NRXN3: variants seen among roughly 807,000 people sequenced by gnomAD.
The protein encoded by NRXN3 is neurexin 3.
A neutral mutation model predicts 137.6 loss-of-function variants in NRXN3; 32 were observed. The observed-to-expected ratio is 0.23, with a 90% CI of 0.18 to 0.31. NRXN3 has a LOEUF of 0.31. Ranked by LOEUF, NRXN3 falls within the 10% of genes least tolerant of loss-of-function variation. The probability of loss-of-function intolerance (pLI) is 1.00; values close to 1 mark genes in which losing one functional copy is unlikely to be tolerated. For synonymous variants in NRXN3, 798 were observed against 784.5 expected, an observed-to-expected ratio of 1.02 and a Z score of -0.29; for missense variants, 1,574 against 2,062.5, an observed-to-expected ratio of 0.76 and a Z score of 4.59.
intron 7 of NRXN3, 69 bp from the exon 8 acceptor site, chr14:78,714,687 A>AG: frequency 6.4e-7 from 1 of 1,554,112 alleles, no homozygotes. Context: ...CTCAGCACTC[A>AG]CCTGTTAGGT....
intron 4 of NRXN3, among the ~76,000 whole-genome samples, chr14:78,543,471 T>A (rs2096610882): frequency 6.6e-6 from 1 of 152,234 alleles, no homozygotes; most frequent in Non-Finnish European, 1.5e-5. Context: ...GCAATAATGG[T>A]GCTCCTTGGG....
At chr14:79,424,814 C>T (rs556134826) in intron 15 of NRXN3, among the ~76,000 whole-genome samples, 5 of 152,178 alleles carry the variant, frequency 3.3e-5, no homozygotes, top group South Asian at 2.1e-4. Flanking sequence ...ATTATGCAGG[C>T]GATACTTTGC....
intron 7 of NRXN3, among the ~76,000 whole-genome samples, chr14:78,712,329 T>A (rs963416767): frequency 3.3e-5 from 5 of 152,206 alleles, no homozygotes; most frequent in African/African-American, 1.2e-4. Context: ...AATATTGTTT[T>A]GAGGATCAAG....
intron 4 of NRXN3, among the ~76,000 whole-genome samples, chr14:78,402,733 C>T (rs1296638781): frequency 6.6e-6 from 1 of 152,176 alleles, no homozygotes; most frequent in East Asian, 1.9e-4. Context: ...TACCTAGTAT[C>T]TCTAACATCA....
At chr14:79,161,808 G>A (rs2060801518) in intron 15 of NRXN3, among the ~76,000 whole-genome samples, 1 of 151,926 alleles carries the variant, frequency 6.6e-6, no homozygotes, top group Non-Finnish European at 1.5e-5. Flanking sequence ...ATGCTTTAAT[G>A]AGGATAGACA....
chr14:79,114,246 A>G (rs1568328046), intron 15 of NRXN3, among the ~76,000 whole-genome samples: 1 of 152,238 alleles, frequency 6.6e-6, no homozygotes, highest in African/African-American at 2.4e-5. Flanking sequence ...AACATCCTAC[A>G]GGGCACAGGA....
At chr14:79,502,679 G>A (rs1489119093) in intron 16 of NRXN3, among the ~76,000 whole-genome samples, 1 of 152,026 alleles carries the variant, frequency 6.6e-6, no homozygotes, top group Non-Finnish European at 1.5e-5. Context: ...GCCTGTGTCT[G>A]CCTCCTTTCT....
chr14:79,565,399 A>T lies in NRXN3; in HGVS notation c.3444+97997A>T, dbSNP rs530130808. 6.4e-4 allele frequency among the ~76,000 whole-genome samples: 90 copies of T among 140,096 alleles called. 1 individual carries two copies. In the South Asian group the frequency reaches 0.019, roughly 29 times the overall value. The allele number at this position is 140,096 out of a possible 152,430, so 91.9% of individuals were successfully genotyped here. A position where few individuals can be genotyped will look rare whatever the true frequency, so the allele number is the denominator to read the frequency against. The stretch of plus-strand genomic sequence containing the variant: ...TATATATATGTAATGCTAACAAAAA[A>T]TAATTTGAATGATTGCCAGGGGTCC... On this transcript the variant is annotated intron_variant, in intron 16 of 20. Transcript: ENST00000335750.
intron 16 of NRXN3, among the ~76,000 whole-genome samples, chr14:79,474,649 G>T (rs1022896746): frequency 2.0e-5 from 3 of 152,088 alleles, no homozygotes; most frequent in Admixed American, 2.0e-4. Flanking sequence ...CCTGTTACAA[G>T]ATGATAATGC....
At chr14:79,507,479 A>C (rs1052900740) in intron 16 of NRXN3, among the ~76,000 whole-genome samples, 4 of 152,214 alleles carry the variant, frequency 2.6e-5, no homozygotes. Flanking sequence ...AAAGTCTAGC[A>C]ACTGGGGTAA....
intron 17 of NRXN3, among the ~76,000 whole-genome samples, chr14:79,690,819 A>G (rs370084734): frequency 6.6e-6 from 1 of 152,164 alleles, no homozygotes; most frequent in Non-Finnish European, 1.5e-5. Context: ...TGGCCCTGCA[A>G]TTGAAATGCT....
chr14:78,468,864 G>T (rs545874415), intron 4 of NRXN3, among the ~76,000 whole-genome samples: 1 of 152,278 alleles, frequency 6.6e-6, no homozygotes, highest in African/African-American at 2.4e-5. Context: ...AGTCTTTGGT[G>T]TGGGAGTGAG....
intron 15 of NRXN3, among the ~76,000 whole-genome samples, chr14:79,142,661 A>G (rs1218104372): frequency 6.6e-6 from 1 of 152,186 alleles, no homozygotes; most frequent in Non-Finnish European, 1.5e-5. Context: ...AGAGAGAACT[A>G]TGCCATGACC....
At chr14:79,372,792 T>C (rs1352716277) in intron 15 of NRXN3, among the ~76,000 whole-genome samples, 1 of 152,170 alleles carries the variant, frequency 6.6e-6, no homozygotes, top group Non-Finnish European at 1.5e-5. Context: ...CCACTTCCCC[T>C]ACCCCCAAAG....
chr14:79,539,110 A>G (rs2097246053), intron 16 of NRXN3, among the ~76,000 whole-genome samples: 1 of 152,112 alleles, frequency 6.6e-6, no homozygotes, highest in Admixed American at 6.5e-5. Flanking sequence ...CCCAGCCTGG[A>G]GTGCAGTGGC....
chr14:79,797,442 A>G (rs1396753834), intron 19 of NRXN3, among the ~76,000 whole-genome samples: 1 of 152,212 alleles, frequency 6.6e-6, no homozygotes, highest in Non-Finnish European at 1.5e-5. Context: ...CATAGGATAC[A>G]AGGGTCACCT....
At chr14:78,479,027 A>T (rs77544131) in intron 4 of NRXN3, among the ~76,000 whole-genome samples, 5,330 of 152,316 alleles carry the variant, frequency 0.035, 305 homozygotes, top group East Asian at 0.31. Flanking sequence ...GATAATTGTA[A>T]ATATTTTTTA....
intron 15 of NRXN3, among the ~76,000 whole-genome samples, chr14:79,334,269 A>T (rs1305130651): frequency 6.6e-6 from 1 of 152,254 alleles, no homozygotes; most frequent in African/African-American, 2.4e-5. Flanking sequence ...CTATAAAAAA[A>T]TAAAGTAGAA....
At chr14:78,706,176 A>T (rs1203224563) in intron 6 of NRXN3, among the ~76,000 whole-genome samples, 1 of 152,152 alleles carries the variant, frequency 6.6e-6, no homozygotes, top group Non-Finnish European at 1.5e-5. Context: ...ATTAACCTTT[A>T]CTAGGAACTC....
Sources: allele counts gnomAD v4.1 joint callset (sites outside exome capture counted in the v4.1 genomes callset), GRCh38; gene constraint gnomAD v4.1.1; transcripts MANE v1.5; gene names NCBI Gene and HGNC (gene_info 2026-07-23, HGNC 2026-07-21).